The following SCHIP1 variants were observed in gnomAD, a reference collection of about 807,000 sequenced individuals.
The protein encoded by SCHIP1 is schwannomin interacting protein 1.
SCHIP1 carries 8 observed loss-of-function variants against 29.7 expected under a neutral mutation model. That is an observed-to-expected ratio of 0.27 (90% CI 0.16 to 0.49). The LOEUF (loss-of-function observed/expected upper bound fraction) is 0.49, where lower values mean the gene tolerates loss of function less well. Among genes scored for constraint, SCHIP1 ranks in the 20% least tolerant of loss-of-function variants. The pLI, the probability that SCHIP1 is intolerant of heterozygous loss-of-function variation, is 0.99. For missense variants in SCHIP1, 193 were observed against 294.6 expected (o/e 0.66, Z 2.52); for synonymous variants, 76 against 94.9 (o/e 0.80, Z 1.16).
At chr3:159,448,226 C>A in the SCHIP1 span, among the ~76,000 whole-genome samples, 1 of 152,192 alleles carries the variant, frequency 6.6e-6, no homozygotes, top group Non-Finnish European at 1.5e-5. Context: ...GTGATCCCAG[C>A]ACTTTGGGAG....
chr3:159,382,234 T>C, the SCHIP1 span, among the ~76,000 whole-genome samples: 7 of 86 alleles, frequency 0.081, no homozygotes, highest in African/African-American at 0.14. Flanking sequence ...CATTAGGTAT[T>C]CTCCTAATGC....
chr3:159,626,247 TCTATATAGATAGATAGATAG>T, the SCHIP1 span, among the ~76,000 whole-genome samples: 52 of 110,756 alleles, frequency 4.7e-4, no homozygotes, highest in Admixed American at 9.7e-4. Flanking sequence ...TATCTATCTA[TCTATATAGATAGATAGATAG>T]ATAGATAGAT....
At chr3:159,344,321 CAAAAAAA>C in the SCHIP1 span, among the ~76,000 whole-genome samples, 2 of 126,312 alleles carry the variant, frequency 1.6e-5, no homozygotes, top group Non-Finnish European at 3.3e-5. Context: ...AACTCCATCT[CAAAAAAA>C]AAAAAAAAAA....
chr3:159,505,035 G>A, the SCHIP1 span, among the ~76,000 whole-genome samples: 1 of 152,190 alleles, frequency 6.6e-6, no homozygotes, highest in Non-Finnish European at 1.5e-5. Flanking sequence ...GGAGGGAATA[G>A]CATCTGCAAA....
chr3:159,314,510 A>C, the SCHIP1 span, among the ~76,000 whole-genome samples: 1 of 152,186 alleles, frequency 6.6e-6, no homozygotes, highest in Non-Finnish European at 1.5e-5. Context: ...TGTTTTCCTA[A>C]GGAAAAATTC....
chr3:159,516,448 C>T, the SCHIP1 span, among the ~76,000 whole-genome samples: 4 of 152,120 alleles, frequency 2.6e-5, no homozygotes, highest in Non-Finnish European at 4.4e-5. Context: ...CTGTCAGACT[C>T]GTGTTCATAA....
the SCHIP1 span, among the ~76,000 whole-genome samples, chr3:159,648,056 G>A: frequency 6.6e-6 from 1 of 152,112 alleles, no homozygotes; most frequent in Non-Finnish European, 1.5e-5. Flanking sequence ...TCAGAAACTG[G>A]CTACCAAGCC....
chr3:159,433,304 G>C, the SCHIP1 span, among the ~76,000 whole-genome samples: 1 of 152,132 alleles, frequency 6.6e-6, no homozygotes, highest in African/African-American at 2.4e-5. Context: ...CCAACCCTGG[G>C]CTTGGTCCTT....
At chr3:159,485,338 TAAA>T in the SCHIP1 span, among the ~76,000 whole-genome samples, 2 of 152,008 alleles carry the variant, frequency 1.3e-5, no homozygotes, top group African/African-American at 4.8e-5. Flanking sequence ...AAAACATCTA[TAAA>T]ATAAGAATAA....
the SCHIP1 span, among the ~76,000 whole-genome samples, chr3:159,333,570 G>A: frequency 6.6e-6 from 1 of 151,956 alleles, no homozygotes; most frequent in East Asian, 1.9e-4. Context: ...TAAAATTCGT[G>A]ATTTATCAGA....
At chr3:159,421,709 C>A in the SCHIP1 span, among the ~76,000 whole-genome samples, 2 of 152,318 alleles carry the variant, frequency 1.3e-5, no homozygotes, top group Middle Eastern at 6.8e-3. Context: ...CTTTCTATTG[C>A]TCTTCACCAC....
chr3:159,789,576 A>AT, the SCHIP1 span, among the ~76,000 whole-genome samples: 1 of 152,142 alleles, frequency 6.6e-6, no homozygotes. Flanking sequence ...TTGAAACACA[A>AT]TTGCTGGGCT....
the SCHIP1 span, among the ~76,000 whole-genome samples, chr3:159,310,653 T>C: frequency 1.3e-5 from 2 of 152,130 alleles, no homozygotes; most frequent in East Asian, 1.9e-4. Context: ...ACACAATGAA[T>C]GGGGTACCAG....
At chr3:159,304,610 T>C in the SCHIP1 span, among the ~76,000 whole-genome samples, 2 of 152,220 alleles carry the variant, frequency 1.3e-5, no homozygotes, top group Non-Finnish European at 1.5e-5. Context: ...CATGCTAACA[T>C]ATCCAAGTGT....
In SCHIP1 at chr3:159,861,109, C is replaced by T. The variant is rs1167838967; in HGVS notation, c.31-5054C>T. ...GTTAATTAAATAGATTTTGAAAATG[C>T]AGAAAACACCCAATCTTCCACTTGT... On this transcript the variant is annotated intron_variant, in intron 1 of 6. Transcript: ENST00000445224. The surrounding 1 kb of genome is among the most constrained non-coding windows in gnomAD (Gnocchi z 4.1). Among the ~76,000 whole-genome samples, 2 of 152,110 alleles carry T rather than the reference C, an allele frequency of 1.3e-5. No homozygotes were observed. The highest frequency in any genetic ancestry group is 2.4e-5 in the African/African-American group (1 of 41,410).
chr3:159,867,042 C>T (rs1714702423), intron 2 of SCHIP1, among the ~76,000 whole-genome samples: 1 of 152,072 alleles, frequency 6.6e-6, no homozygotes, highest in African/African-American at 2.4e-5. Flanking sequence ...TTCATGCTGC[C>T]ATTCCATAGG....
At chr3:159,765,281 G>GGGGAGC in the SCHIP1 span, 1 of 958,528 alleles carries the variant, frequency 1.0e-6, no homozygotes, top group Admixed American at 3.2e-5. Context: ...CAGAGAGCCT[G>GGGGAGC]CCGTCTGCTC....
At chr3:159,312,828 C>A in the SCHIP1 span, among the ~76,000 whole-genome samples, 2 of 152,142 alleles carry the variant, frequency 1.3e-5, no homozygotes, top group Non-Finnish European at 2.9e-5. Context: ...TCCTCTGTAC[C>A]TTCAGCAAAC....
At chr3:159,611,613 G>A in the SCHIP1 span, among the ~76,000 whole-genome samples, 24 of 152,138 alleles carry the variant, frequency 1.6e-4, no homozygotes, top group Non-Finnish European at 3.4e-4. Flanking sequence ...GGGTTGATGG[G>A]TGCAGGAACC....
Sources: gnomAD v4.1 joint callset for allele counts (sites outside exome capture counted in the v4.1 genomes callset) on GRCh38, gnomAD v4.1.1 for gene constraint, Gnocchi (gnomAD v3.1) non-coding constraint, MANE v1.5 for transcripts, NCBI Gene and HGNC (gene_info 2026-07-23, HGNC 2026-07-21) for gene names.